GALNT1: variants seen among roughly 807,000 people sequenced by gnomAD.
The protein encoded by GALNT1 is polypeptide N-acetylgalactosaminyltransferase 1.
GALNT1 carries 17 observed loss-of-function variants against 65.7 expected under a neutral mutation model. The ratio of observed to expected loss-of-function variants is 0.26; its 90% CI spans 0.18 to 0.39. The LOEUF (loss-of-function observed/expected upper bound fraction) is 0.39, where lower values mean the gene tolerates loss of function less well. Ranked by LOEUF, GALNT1 falls within the 10% of genes least tolerant of loss-of-function variation. The pLI is 1.00. For missense variants in GALNT1, 460 were observed against 672.8 expected, an observed-to-expected ratio of 0.68 and a Z score of 3.50; for synonymous variants, 210 against 219.7, an observed-to-expected ratio of 0.96 and a Z score of 0.39.
intron 1 of GALNT1, among the ~76,000 whole-genome samples, chr18:35,583,004 G>A (rs1231804729): frequency 6.6e-6 from 1 of 152,170 alleles, no homozygotes; most frequent in Non-Finnish European, 1.5e-5. Context: ...AACAGCCCTG[G>A]TCTAAATTAT....
intron 1 of GALNT1, among the ~76,000 whole-genome samples, chr18:35,649,878 G>C (rs1030962392): frequency 6.6e-6 from 1 of 150,918 alleles, no homozygotes; most frequent in African/African-American, 2.4e-5. Context: ...AGAGAGCAGG[G>C]CTTGGCTTAG....
At chr18:35,597,150 A>G (rs1449786929) in intron 1 of GALNT1, 1 of 152,194 alleles carries the variant, frequency 6.6e-6, no homozygotes, top group Non-Finnish European at 1.5e-5. Flanking sequence ...CTGTTCTTTC[A>G]TCCTTGAATG....
chr18:35,706,011 T>C (rs941792585), intron 11 of GALNT1, among the ~76,000 whole-genome samples: 9 of 152,306 alleles, frequency 5.9e-5, no homozygotes, highest in Admixed American at 2.0e-4. Flanking sequence ...TTATGTCTTA[T>C]GGACCAGAAC....
intron 1 of GALNT1, among the ~76,000 whole-genome samples, chr18:35,616,276 A>G (rs902552259): frequency 2.6e-5 from 4 of 152,148 alleles, no homozygotes; most frequent in African/African-American, 7.2e-5. Flanking sequence ...CTTGACATGT[A>G]TAGTCTATGT....
At chr18:35,615,772 GA>G (rs771720388) in intron 1 of GALNT1, among the ~76,000 whole-genome samples, 2 of 152,182 alleles carry the variant, frequency 1.3e-5, no homozygotes, top group Non-Finnish European at 2.9e-5. Flanking sequence ...GGAGAAAAAT[GA>G]ATAGCCAGTA....
chr18:35,657,467 T>C lies in GALNT1; in HGVS notation c.139+2666T>C, dbSNP rs559117976. Among the ~76,000 whole-genome samples the C allele has an allele frequency of 5.9e-5, 9 of 152,108 alleles. 1 individual carries two copies. In the South Asian group the frequency reaches 1.9e-3, roughly 32 times the overall value. ...TAGAGAATGGTCGAGATGGAGAAAA[T>C]AGATGGTAGTTTAAGTCTTTTCTGT... On this transcript the variant is annotated intron_variant, in intron 2 of 11. Coordinates refer to ENST00000269195, the MANE Select transcript of GALNT1 (RefSeq NM_020474.4).
At chr18:35,606,872 T>TGTGTGTG (rs2046656729) in intron 1 of GALNT1, among the ~76,000 whole-genome samples, 2 of 124,484 alleles carry the variant, frequency 1.6e-5, no homozygotes, top group African/African-American at 6.1e-5. Flanking sequence ...TGTGTGTGTG[T>TGTGTGTG]TTGGAGGCTG....
chr18:35,639,871 A>G (rs1568021556), intron 1 of GALNT1, among the ~76,000 whole-genome samples: 1 of 151,956 alleles, frequency 6.6e-6, no homozygotes, highest in Non-Finnish European at 1.5e-5. Context: ...ATCTCAGCTC[A>G]CTGCAACCTC....
At chr18:35,583,149 C>G (rs2046342653) in intron 1 of GALNT1, among the ~76,000 whole-genome samples, 1 of 152,170 alleles carries the variant, frequency 6.6e-6, no homozygotes, top group African/African-American at 2.4e-5. Context: ...TTACATGATC[C>G]TTTGAGGATG....
At chr18:35,581,488 C>G (rs1267694792), upstream of GALNT1, among the ~76,000 whole-genome samples, 1 of 144,178 alleles carries the variant, frequency 6.9e-6, no homozygotes, top group African/African-American at 2.5e-5. Flanking sequence ...GCCGCCGCCG[C>G]TGCCGCCGAG....
In GALNT1 at chr18:35,660,428, G is replaced by GT. The variant is rs1405646786; in HGVS notation, c.140-3200_140-3199insT. On this transcript the variant is annotated intron_variant, in intron 2 of 11. Coordinates refer to ENST00000269195, the MANE Select transcript of GALNT1 (RefSeq NM_020474.4). ...AGTGTCATGTAAATGAAACTTAACTGAAGTATATAATAAAATATGTTTGTT... is the reference window on the plus strand; with the variant it reads ...AGTGTCATGTAAATGAAACTTAACTGTAAGTATATAATAAAATATGTTTGTT... Among the ~76,000 whole-genome samples the GT allele has an allele frequency of 3.3e-5, 5 of 152,192 alleles. No individual in the cohort carries two copies. In the East Asian group the frequency reaches 9.6e-4, roughly 29 times the overall value.
At position 35,683,439 on chromosome 18, in the gene GALNT1, C is replaced by A. The variant is rs772487798; in HGVS notation, c.530C>A (p.Pro177Gln). ...AGTTATGTGAAAAAACTAAAAGTACCAGTTCATGTAATTCGAATGGAACAA... is the reference window on the plus strand; with the variant it reads ...AGTTATGTGAAAAAACTAAAAGTACAAGTTCATGTAATTCGAATGGAACAA... ...LESYVKKLKV[P>Q]VHVIRMEQRS... The change falls in exon 5 of 12, where the codon CCA (proline) becomes CAA (glutamine). Residue 177 changes from proline to glutamine, a missense_variant. By Grantham distance (76) the Pro-to-Gln change is moderately conservative. Coordinates refer to ENST00000269195, the MANE Select transcript of GALNT1 (RefSeq NM_020474.4). The A allele has an allele frequency of 6.2e-7, 1 of 1,613,466 alleles. No homozygotes were observed.
intron 1 of GALNT1, among the ~76,000 whole-genome samples, chr18:35,584,949 G>A (rs1417956577): frequency 2.0e-5 from 3 of 152,192 alleles, no homozygotes; most frequent in Non-Finnish European, 2.9e-5. Context: ...AGCGATTAAT[G>A]TGTGCCACAC....
chr18:35,682,024 A>G (rs902509345), intron 4 of GALNT1, among the ~76,000 whole-genome samples: 3 of 152,158 alleles, frequency 2.0e-5, no homozygotes, highest in African/African-American at 7.2e-5. Context: ...AACAGACACA[A>G]AATGTTAACA....
intron 1 of GALNT1, among the ~76,000 whole-genome samples, chr18:35,633,745 G>A (rs1394044390): frequency 6.6e-6 from 1 of 152,076 alleles, no homozygotes; most frequent in Non-Finnish European, 1.5e-5. Context: ...ACAAGCAAGA[G>A]AATGGCTTGT....
At chr18:35,601,994 TG>T (rs2046588059) in intron 1 of GALNT1, among the ~76,000 whole-genome samples, 1 of 152,242 alleles carries the variant, frequency 6.6e-6, no homozygotes, top group Non-Finnish European at 1.5e-5. Flanking sequence ...GTTTTGTTTT[TG>T]CACATCAGCA....
At chr18:35,609,294 CA>C (rs1178248068) in intron 1 of GALNT1, among the ~76,000 whole-genome samples, 3 of 151,348 alleles carry the variant, frequency 2.0e-5, no homozygotes, top group African/African-American at 4.9e-5. Context: ...AATTTTAATA[CA>C]AAAAAAATTC....
At chr18:35,649,020 T>A (rs1029629525) in intron 1 of GALNT1, among the ~76,000 whole-genome samples, 1 of 152,214 alleles carries the variant, frequency 6.6e-6, no homozygotes, top group African/African-American at 2.4e-5. Context: ...TTTCCAGATA[T>A]TGATGATTAT....
intron 1 of GALNT1, among the ~76,000 whole-genome samples, chr18:35,603,786 A>C (rs1430026185): frequency 6.6e-6 from 1 of 152,148 alleles, no homozygotes; most frequent in Non-Finnish European, 1.5e-5. Flanking sequence ...CCTGGAACTA[A>C]CAGTTATGTG....
Sources: allele counts gnomAD v4.1 joint callset (sites outside exome capture counted in the v4.1 genomes callset), GRCh38; gene constraint gnomAD v4.1.1; transcripts MANE v1.5; gene names NCBI Gene and HGNC (gene_info 2026-07-23, HGNC 2026-07-21).